The following LRRC4C variants were observed in gnomAD, a reference collection of about 807,000 sequenced individuals.
LRRC4C encodes leucine rich repeat containing 4C, also known as leucine-rich repeat-containing protein 4C.
Under a neutral mutation model 33.6 loss-of-function variants are expected in LRRC4C, and 5 were observed. That is an observed-to-expected ratio of 0.15 (90% CI 0.08 to 0.31). The LOEUF is 0.31. Ranked by LOEUF, LRRC4C falls within the 10% of genes least tolerant of loss-of-function variation. The pLI, the probability that LRRC4C is intolerant of heterozygous loss-of-function variation, is 1.00. For missense variants in LRRC4C, 560 were observed against 796.7 expected, an observed-to-expected ratio of 0.70 and a Z score of 3.58; for synonymous variants, 329 against 302.0, an observed-to-expected ratio of 1.09 and a Z score of -0.93.
rs12226125 is a variant in LRRC4C, at chr11:40,618,802, C to T, written c.-270+29340G>A. On this transcript the variant is annotated intron_variant, in intron 3 of 6. Coordinates refer to ENST00000528697, the MANE Select transcript of LRRC4C (RefSeq NM_001258419.2). ...GTCCATCCCACTTCCACAGGGAAAACGACACTTCCGGTCTTTCAAGTCAGG... is the reference window on the plus strand; with the variant it reads ...GTCCATCCCACTTCCACAGGGAAAATGACACTTCCGGTCTTTCAAGTCAGG... Among the ~76,000 whole-genome samples the T allele has an allele frequency of 2.4e-3, 368 of 151,818 alleles. 2 individuals carry two copies. The highest frequency in any genetic ancestry group is 8.1e-3 in the African/African-American group (336 of 41,486).
chr11:40,299,362 T>C (rs1228116002), intron 4 of LRRC4C, among the ~76,000 whole-genome samples: 2 of 152,198 alleles, frequency 1.3e-5, no homozygotes, highest in Non-Finnish European at 2.9e-5. Context: ...GAGAGACCAC[T>C]ATCAGATTCC....
chr11:40,199,083 T>C (rs1489239631), intron 5 of LRRC4C, among the ~76,000 whole-genome samples: 1 of 152,152 alleles, frequency 6.6e-6, no homozygotes, highest in African/African-American at 2.4e-5. Flanking sequence ...TTTGTTTATT[T>C]ATTTTGAGAT....
chr11:40,760,305 A>G (rs917976747), intron 2 of LRRC4C, among the ~76,000 whole-genome samples: 1 of 151,884 alleles, frequency 6.6e-6, no homozygotes, highest in Admixed American at 6.6e-5. Context: ...TCATTTCTGT[A>G]TTGTCTATCG....
chr11:40,749,051 G>A (rs982053670), intron 2 of LRRC4C, among the ~76,000 whole-genome samples: 5 of 152,166 alleles, frequency 3.3e-5, no homozygotes, highest in African/African-American at 1.2e-4. Context: ...GAGATTCAAC[G>A]TAAGACAGAT....
At chr11:41,133,756 T>C (rs1337855646) in intron 1 of LRRC4C, among the ~76,000 whole-genome samples, 2 of 152,128 alleles carry the variant, frequency 1.3e-5, no homozygotes, top group Non-Finnish European at 2.9e-5. Context: ...TTGCCCACCA[T>C]CAATCATGCT....
chr11:40,733,687 G>A (rs1040764882), intron 2 of LRRC4C, among the ~76,000 whole-genome samples: 2 of 152,144 alleles, frequency 1.3e-5, no homozygotes, highest in East Asian at 3.9e-4. Flanking sequence ...TCTAACACTA[G>A]GCATTGGCCT....
chr11:40,657,271 C>T (rs59053035), intron 2 of LRRC4C, among the ~76,000 whole-genome samples: 3,602 of 152,234 alleles, frequency 0.024, 149 homozygotes, highest in African/African-American at 0.082. Flanking sequence ...GGTCTTATTA[C>T]TTTAAAAATG....
chr11:40,505,022 G>T (rs1954963378), intron 3 of LRRC4C, among the ~76,000 whole-genome samples: 1 of 152,066 alleles, frequency 6.6e-6, no homozygotes, highest in Non-Finnish European at 1.5e-5. Context: ...GAAGGCAGGT[G>T]TTTTTTTGTT....
At position 41,110,967 on chromosome 11, in the gene LRRC4C, G is replaced by GAATCAGACATGGGT. The variant is rs1471430821; in HGVS notation, c.-495-177245_-495-177244insACCCATGTCTGATT. 3.4e-3 allele frequency among the ~76,000 whole-genome samples: 519 copies of GAATCAGACATGGGT among 152,124 alleles called. 1 individual carries two copies. Among genetic ancestry groups the GAATCAGACATGGGT allele is most frequent in the African/African-American group, 0.012 (491 of 41,530 alleles). On this transcript the variant is annotated intron_variant, in intron 1 of 6. Transcript: ENST00000528697. The stretch of plus-strand genomic sequence containing the variant: ...ATTTCTGATTCAATATGTCTGAGTT[G>GAATCAGACATGGGT]TAACCCAAGAATTTGCATTTCTAGG...
At chr11:41,103,040 A>T (rs1489205978) in intron 1 of LRRC4C, among the ~76,000 whole-genome samples, 3 of 151,984 alleles carry the variant, frequency 2.0e-5, no homozygotes, top group Non-Finnish European at 4.4e-5. Flanking sequence ...CTATTCTAAC[A>T]TAATAATGTT....
At position 40,653,447 on chromosome 11, in the gene LRRC4C, G is replaced by A. The variant is rs576113492; in HGVS notation, c.-406-5169C>T. Among the ~76,000 whole-genome samples the A allele has an allele frequency of 2.8e-4, 42 of 152,272 alleles. No individual in the cohort carries two copies. In the South Asian group the frequency reaches 8.3e-3, roughly 30 times the overall value. On this transcript the variant is annotated intron_variant, in intron 2 of 6. Transcript: ENST00000528697. Reference sequence around the variant, plus strand: ...CTATGCTTTAGCAAATAGACTGATGGCATTTTGTCCCAGCCCTGGAGATCT... The same window carrying A: ...CTATGCTTTAGCAAATAGACTGATGACATTTTGTCCCAGCCCTGGAGATCT...
chr11:40,232,634 T>C (rs1865286031), intron 5 of LRRC4C, among the ~76,000 whole-genome samples: 1 of 152,212 alleles, frequency 6.6e-6, no homozygotes. Context: ...AAGTTGCTTA[T>C]TCATCAACTG....
At chr11:40,166,565 G>A (rs1424645849) in intron 5 of LRRC4C, among the ~76,000 whole-genome samples, 3 of 152,030 alleles carry the variant, frequency 2.0e-5, no homozygotes, top group Non-Finnish European at 4.4e-5. Context: ...TCTGATATGT[G>A]TGATTTTTTA....
At chr11:41,356,416 G>A (rs1952163698) in intron 1 of LRRC4C, among the ~76,000 whole-genome samples, 1 of 152,082 alleles carries the variant, frequency 6.6e-6, no homozygotes, top group Admixed American at 6.6e-5. Flanking sequence ...TATAGACCAG[G>A]ACTAATGACT....
intron 2 of LRRC4C, among the ~76,000 whole-genome samples, chr11:40,689,865 C>T (rs1334053978): frequency 2.6e-5 from 4 of 152,068 alleles, no homozygotes; most frequent in African/African-American, 9.7e-5. Context: ...GTTCTGAACA[C>T]AGGTATTTTT....
intron 2 of LRRC4C, among the ~76,000 whole-genome samples, chr11:40,770,522 A>T (rs1949702895): frequency 6.6e-6 from 1 of 152,180 alleles, no homozygotes; most frequent in South Asian, 2.1e-4. Flanking sequence ...CTCACATTTC[A>T]AAACACAATT....
At chr11:41,302,939 C>T (rs1950325690) in intron 1 of LRRC4C, among the ~76,000 whole-genome samples, 1 of 152,286 alleles carries the variant, frequency 6.6e-6, no homozygotes. Flanking sequence ...AAATTAACTA[C>T]CAATGACTTT....
chr11:41,366,207 TAG>T (rs1565615717), intron 1 of LRRC4C, among the ~76,000 whole-genome samples: 5 of 20,164 alleles, frequency 2.5e-4, no homozygotes, highest in Non-Finnish European at 5.0e-4. Context: ...GACAGATAGA[TAG>T]ATAGATAGAT....
At chr11:40,463,891 G>T (rs1952528551) in intron 3 of LRRC4C, among the ~76,000 whole-genome samples, 2 of 151,944 alleles carry the variant, frequency 1.3e-5, no homozygotes, top group African/African-American at 4.8e-5. Context: ...ATTGTTCTAG[G>T]CACTCCACCG....
Sources: gnomAD v4.1 joint callset for allele counts (sites outside exome capture counted in the v4.1 genomes callset) on GRCh38, gnomAD v4.1.1 for gene constraint, MANE v1.5 for transcripts, NCBI Gene and HGNC (gene_info 2026-07-23, HGNC 2026-07-21) for gene names.